The following PDCD1LG2 variants were observed in gnomAD, a reference collection of about 807,000 sequenced individuals.
The protein encoded by PDCD1LG2 is programmed cell death 1 ligand 2, also known as B7 dendritic cell molecule.
A neutral mutation model predicts 28.2 loss-of-function variants in PDCD1LG2; 32 were observed. That is an observed-to-expected ratio of 1.13 (90% CI 0.86 to 1.52). PDCD1LG2 has a LOEUF of 1.52. Ranked by LOEUF, PDCD1LG2 falls within the 40% of genes most tolerant of loss-of-function variation. The probability of loss-of-function intolerance (pLI) is 0.00; values close to 1 mark genes in which losing one functional copy is unlikely to be tolerated. For synonymous variants in PDCD1LG2, 116 were observed against 120.2 expected (o/e 0.97, Z 0.23); for missense variants, 385 against 323.8 (o/e 1.19, Z -1.45).
chr9:5,549,328 T>C lies in PDCD1LG2; in HGVS notation c.362-7T>C, dbSNP rs2129873511. On this transcript the variant is annotated splice_polypyrimidine_tract_variant and splice_region_variant and intron_variant, in intron 3 of 6. Transcript: ENST00000397747. ...AGTCTTATTTCTTTTTCTTCTCTAT[T>C]GTCCAGCTTCCTACAGGAAAATAAA... is the stretch of plus-strand genomic sequence containing the variant. 1 of 1,605,244 alleles carries C rather than the reference T, an allele frequency of 6.2e-7. No homozygotes were observed. The highest frequency in any genetic ancestry group is 2.2e-5 in the East Asian group (1 of 44,694).
intron 2 of PDCD1LG2, among the ~76,000 whole-genome samples, chr9:5,523,501 C>T (rs1025879705): frequency 1.3e-5 from 2 of 152,196 alleles, no homozygotes; most frequent in African/African-American, 4.8e-5. Context: ...AGTCACATTC[C>T]TCTCACTCAC....
chr9:5,566,149 G>A lies in PDCD1LG2; in HGVS notation c.816+2938G>A, dbSNP rs144322653. 1.4e-3 allele frequency among the ~76,000 whole-genome samples: 209 copies of A among 152,220 alleles called. 1 individual carries two copies. Among genetic ancestry groups the A allele is most frequent in the African/African-American group, 4.8e-3 (198 of 41,514 alleles). The stretch of plus-strand genomic sequence containing the variant: ...ATCCCGCACTCTCATTTTGTGACTC[G>A]GCATCTTGGGAGATGGAGTCTTGGG... On this transcript the variant is annotated intron_variant, in intron 6 of 6. Transcript: ENST00000397747.
chr9:5,565,418 A>G (rs1184290931), intron 6 of PDCD1LG2, among the ~76,000 whole-genome samples: 2 of 152,184 alleles, frequency 1.3e-5, no homozygotes, highest in African/African-American at 4.8e-5. Context: ...TCCTCGGCTC[A>G]AGCAATCCTC....
chr9:5,543,893 T>C (rs1214848507), intron 3 of PDCD1LG2, among the ~76,000 whole-genome samples: 1 of 152,052 alleles, frequency 6.6e-6, no homozygotes, highest in African/African-American at 2.4e-5. Flanking sequence ...GGGAAGCTCC[T>C]GGGGATTACA....
At chr9:5,527,741 T>C (rs531194829) in intron 2 of PDCD1LG2, among the ~76,000 whole-genome samples, 1 of 152,314 alleles carries the variant, frequency 6.6e-6, no homozygotes, top group Admixed American at 6.5e-5. Flanking sequence ...AACCTTTCCA[T>C]AGTGGCTGTA....
chr9:5,560,914 G>T (rs527647835), intron 5 of PDCD1LG2, among the ~76,000 whole-genome samples: 1 of 152,118 alleles, frequency 6.6e-6, no homozygotes, highest in Non-Finnish European at 1.5e-5. Context: ...GGGCTCGAGG[G>T]TGACCTGCTG....
At chr9:5,549,244 A>G (rs1816274035) in intron 3 of PDCD1LG2, 91 bp from the exon 4 acceptor site, 1 of 1,216,418 alleles carries the variant, frequency 8.2e-7, no homozygotes, top group East Asian at 2.3e-5. Flanking sequence ...ATTGATAGTG[A>G]TAATTTTATT....
Position 5,513,563 on chromosome 9 carries a change from T to A in PDCD1LG2, c.-15+2760T>A, listed in dbSNP as rs115350905. On this transcript the variant is annotated intron_variant, in intron 1 of 6. Coordinates refer to ENST00000397747, the MANE Select transcript of PDCD1LG2 (RefSeq NM_025239.4). ...TATTCTATGAATTCTCACAACTTTC[T>A]AATATAAAGGCTTATAAAAAGTGGG... Among the ~76,000 whole-genome samples the A allele has an allele frequency of 2.2e-3, 342 of 152,352 alleles. 4 individuals are homozygous for A. The highest frequency in any genetic ancestry group is 7.9e-3 in the African/African-American group (329 of 41,586).
intron 3 of PDCD1LG2, among the ~76,000 whole-genome samples, chr9:5,544,416 T>A (rs1820751996): frequency 6.6e-6 from 1 of 152,188 alleles, no homozygotes; most frequent in African/African-American, 2.4e-5. Context: ...CATCTTCTGC[T>A]GGAGAGGCCA....
intron 3 of PDCD1LG2, among the ~76,000 whole-genome samples, chr9:5,542,013 C>T (rs1820696889): frequency 1.3e-5 from 2 of 152,168 alleles, no homozygotes; most frequent in South Asian, 4.2e-4. Flanking sequence ...AAACGGAGAA[C>T]CTAGGAATAA....
At chr9:5,518,718 C>A (rs140967746) in intron 1 of PDCD1LG2, among the ~76,000 whole-genome samples, 541 of 152,306 alleles carry the variant, frequency 3.6e-3, no homozygotes, top group Middle Eastern at 6.8e-3. Flanking sequence ...ACTCATTTCT[C>A]TTCTCCTTTT....
At chr9:5,567,816 C>G (rs540210853) in intron 6 of PDCD1LG2, among the ~76,000 whole-genome samples, 10 of 152,326 alleles carry the variant, frequency 6.6e-5, no homozygotes, top group Middle Eastern at 3.4e-3. Context: ...ATCCAAGATT[C>G]TTACAATTAA....
At chr9:5,545,237 A>G (rs1014539020) in intron 3 of PDCD1LG2, among the ~76,000 whole-genome samples, 5 of 152,228 alleles carry the variant, frequency 3.3e-5, no homozygotes, top group Non-Finnish European at 1.5e-5. Context: ...GAGGTCATAT[A>G]ACTAGCCCTT....
chr9:5,554,894 G>A (rs1055463557), intron 4 of PDCD1LG2, among the ~76,000 whole-genome samples: 1 of 152,166 alleles, frequency 6.6e-6, no homozygotes, highest in African/African-American at 2.4e-5. Context: ...CTAGCACTCA[G>A]TCTCTCATGT....
chr9:5,544,561 C>A (rs912737986), intron 3 of PDCD1LG2, among the ~76,000 whole-genome samples: 1 of 152,164 alleles, frequency 6.6e-6, no homozygotes, highest in African/African-American at 2.4e-5. Flanking sequence ...TCCTGCAACA[C>A]AGAGCAGAGA....
At chr9:5,535,671 A>C (rs1232106085) in intron 3 of PDCD1LG2, among the ~76,000 whole-genome samples, 1 of 152,070 alleles carries the variant, frequency 6.6e-6, no homozygotes, top group Non-Finnish European at 1.5e-5. Flanking sequence ...AAAAAGTTAC[A>C]AGTTTGGAAA....
At chr9:5,521,905 G>C (rs1820281836) in intron 1 of PDCD1LG2, among the ~76,000 whole-genome samples, 2 of 152,146 alleles carry the variant, frequency 1.3e-5, no homozygotes, top group Non-Finnish European at 2.9e-5. Flanking sequence ...GAAAGCATGG[G>C]AGGTACAGCA....
intron 1 of PDCD1LG2, among the ~76,000 whole-genome samples, chr9:5,511,024 T>C (rs1820047479): frequency 6.6e-6 from 1 of 152,256 alleles, no homozygotes; most frequent in Non-Finnish European, 1.5e-5. Flanking sequence ...TGCTCAGTTT[T>C]ATAAGGTGAG....
intron 6 of PDCD1LG2, among the ~76,000 whole-genome samples, chr9:5,564,966 G>A (rs1386928098): frequency 1.3e-5 from 2 of 152,192 alleles, no homozygotes; most frequent in Non-Finnish European, 2.9e-5. Flanking sequence ...GACATTAGAA[G>A]TGTGTTTAGA....
Sources: gnomAD v4.1 joint callset for allele counts (sites outside exome capture counted in the v4.1 genomes callset) on GRCh38, gnomAD v4.1.1 for gene constraint, MANE v1.5 for transcripts, NCBI Gene and HGNC (gene_info 2026-07-23, HGNC 2026-07-21) for gene names.